CADM1: variants seen among roughly 807,000 people sequenced by gnomAD.
The protein encoded by CADM1 is TSLC-1.
Under a neutral mutation model 53.1 loss-of-function variants are expected in CADM1, and 15 were observed. That is an observed-to-expected ratio of 0.28 (90% CI 0.19 to 0.44). The LOEUF is 0.44. CADM1 is among the 20% of genes least tolerant of loss of function. The pLI, the probability that CADM1 is intolerant of heterozygous loss-of-function variation, is 1.00. For synonymous variants in CADM1, 281 were observed against 243.0 expected (o/e 1.16, Z -1.45); for missense variants, 434 against 611.3 (o/e 0.71, Z 3.06).
intron 5 of CADM1, among the ~76,000 whole-genome samples, chr11:115,220,080 CG>C (rs1941348655): frequency 6.6e-6 from 1 of 152,086 alleles, no homozygotes; most frequent in African/African-American, 2.4e-5. Context: ...AGAAAGGCTA[CG>C]TTTTTCATGC....
intron 1 of CADM1, among the ~76,000 whole-genome samples, chr11:115,310,562 T>C (rs1944505608): frequency 6.6e-6 from 1 of 152,128 alleles, no homozygotes; most frequent in Non-Finnish European, 1.5e-5. Context: ...GATTGTAAAA[T>C]TAAGACAGAT....
intron 10 of CADM1, chr11:115,179,166 G>C (rs1939190426): frequency 3.3e-6 from 1 of 305,586 alleles, no homozygotes; most frequent in Admixed American, 4.0e-5. Flanking sequence ...TTAGGCAACA[G>C]AAGGGTACAG....
At chr11:115,218,692 G>A (rs1469246781) in intron 5 of CADM1, among the ~76,000 whole-genome samples, 2 of 152,164 alleles carry the variant, frequency 1.3e-5, no homozygotes, top group Non-Finnish European at 2.9e-5. Flanking sequence ...CCCCATAAGT[G>A]TATGTTGGGA....
At chr11:115,335,983 G>A (rs182633996) in intron 1 of CADM1, among the ~76,000 whole-genome samples, 25 of 152,160 alleles carry the variant, frequency 1.6e-4, no homozygotes, top group Non-Finnish European at 3.5e-4. Flanking sequence ...CCAAATACGC[G>A]TCTGAATAAC....
At chr11:115,231,804 T>A (rs975454623) in intron 3 of CADM1, among the ~76,000 whole-genome samples, 3 of 152,082 alleles carry the variant, frequency 2.0e-5, no homozygotes, top group Admixed American at 1.3e-4. Flanking sequence ...CTGACCAACA[T>A]GGAGAAACCC....
chr11:115,466,182 C>A (rs950931094), intron 1 of CADM1, among the ~76,000 whole-genome samples: 2 of 152,168 alleles, frequency 1.3e-5, no homozygotes, highest in Non-Finnish European at 2.9e-5. Flanking sequence ...CTTGTAGCAT[C>A]GTAAGTCTGC....
intron 1 of CADM1, among the ~76,000 whole-genome samples, chr11:115,342,873 T>C (rs1283656891): frequency 1.3e-5 from 2 of 152,128 alleles, no homozygotes; most frequent in Non-Finnish European, 2.9e-5. Context: ...ATGTGTTCAA[T>C]AAGAGCTTGT....
At chr11:115,463,589 A>C (rs1214339432) in intron 1 of CADM1, among the ~76,000 whole-genome samples, 1 of 152,216 alleles carries the variant, frequency 6.6e-6, no homozygotes, top group Non-Finnish European at 1.5e-5. Context: ...TTTCCTTTGT[A>C]AAAATCCAGG....
intron 1 of CADM1, among the ~76,000 whole-genome samples, chr11:115,488,377 C>G (rs923944587): frequency 1.3e-5 from 2 of 152,192 alleles, no homozygotes; most frequent in African/African-American, 2.4e-5. Context: ...AGAGGCCCTC[C>G]TCCCCCTCCC....
intron 1 of CADM1, among the ~76,000 whole-genome samples, chr11:115,390,407 C>CGA (rs1187369998): frequency 6.8e-6 from 1 of 146,594 alleles, no homozygotes; most frequent in Admixed American, 6.8e-5. Context: ...GGAAGGGAGG[C>CGA]GAGAGAGAGA....
chr11:115,304,604 A>G (rs1391098946), intron 1 of CADM1, among the ~76,000 whole-genome samples: 1 of 152,032 alleles, frequency 6.6e-6, no homozygotes, highest in Admixed American at 6.6e-5. Context: ...TATTGTGCTA[A>G]AAATGACACA....
At chr11:115,342,729 T>C (rs866605085) in intron 1 of CADM1, among the ~76,000 whole-genome samples, 3 of 152,154 alleles carry the variant, frequency 2.0e-5, no homozygotes, top group Non-Finnish European at 4.4e-5. Context: ...TTCAAAGATA[T>C]ATCTCACATT....
intron 1 of CADM1, among the ~76,000 whole-genome samples, chr11:115,374,960 A>G (rs1173374841): frequency 1.3e-5 from 2 of 152,236 alleles, no homozygotes; most frequent in Non-Finnish European, 2.9e-5. Flanking sequence ...GCAATTACAG[A>G]ATTTTAATAC....
chr11:115,247,559 G>A (rs1942446600), intron 1 of CADM1, among the ~76,000 whole-genome samples: 1 of 152,150 alleles, frequency 6.6e-6, no homozygotes, highest in Admixed American at 6.5e-5. Flanking sequence ...GGTTAAAGAT[G>A]GAATTTCACC....
At chr11:115,301,560 T>C (rs1263039053) in intron 1 of CADM1, among the ~76,000 whole-genome samples, 4 of 152,088 alleles carry the variant, frequency 2.6e-5, no homozygotes, top group Non-Finnish European at 5.9e-5. Context: ...ATTTATATCA[T>C]ATAAAACTGA....
At chr11:115,219,358 T>C (rs1941316346) in intron 5 of CADM1, among the ~76,000 whole-genome samples, 1 of 152,178 alleles carries the variant, frequency 6.6e-6, no homozygotes, top group Admixed American at 6.5e-5. Flanking sequence ...CTCTTTCCTA[T>C]CACAAATCTT....
chr11:115,179,325 A>T (rs6589482), intron 10 of CADM1, among the ~76,000 whole-genome samples: 1 of 152,200 alleles, frequency 6.6e-6, no homozygotes, highest in East Asian at 1.9e-4. Context: ...TACATTTAGG[A>T]TGTATGAAGG....
chr11:115,190,898 C>T lies in CADM1; in HGVS notation c.1155G>A (p.Glu385=), dbSNP rs1452168320. 1 of 1,595,040 alleles carries T rather than the reference C, an allele frequency of 6.3e-7. No individual in the cohort carries two copies. The highest frequency in any genetic ancestry group is 1.3e-5 in the African/African-American group (1 of 74,870). Residue 385 remains glutamate, a synonymous_variant, in exon 10 of 12, where the codon GAG becomes GAA. Transcript: ENST00000331581. ...LPNSAEELDS[E]DLSDSRAGEE... ...ATGACTAGCCCTTACCTGAGAGGTC[C>T]TCACTGTCCAGTTCTTCTGCGGAAT...
At chr11:115,194,647 A>T (rs1212335913) in intron 9 of CADM1, among the ~76,000 whole-genome samples, 1 of 152,132 alleles carries the variant, frequency 6.6e-6, no homozygotes, top group Non-Finnish European at 1.5e-5. Context: ...AAAATAATAA[A>T]ATGGAGAGGG....
Sources: gnomAD v4.1 joint callset for allele counts (sites outside exome capture counted in the v4.1 genomes callset) on GRCh38, gnomAD v4.1.1 for gene constraint, MANE v1.5 for transcripts, NCBI Gene and HGNC (gene_info 2026-07-23, HGNC 2026-07-21) for gene names.